Variants in AOPEP observed in about 807,000 individuals in gnomAD.
AOPEP encodes the protein aminopeptidase O.
AOPEP carries 77 observed loss-of-function variants against 98.1 expected under a neutral mutation model. The ratio of observed to expected loss-of-function variants is 0.78; its 90% confidence interval spans 0.65 to 0.95. The LOEUF is 0.95. Ranked by LOEUF, AOPEP falls within the 40% of genes least tolerant of loss-of-function variation. AOPEP has a pLI of 0.00. For synonymous variants in AOPEP, 346 were observed against 365.3 expected, an observed-to-expected ratio of 0.95 and a Z score of 0.60; for missense variants, 1,024 against 1,024.7, an observed-to-expected ratio of 1.00 and a Z score of 0.01.
chr9:94,941,555 AG>A (rs1162693949), intron 7 of AOPEP, among the ~76,000 whole-genome samples: 15 of 152,232 alleles, frequency 9.9e-5, no homozygotes, highest in Admixed American at 9.8e-4. Context: ...CCTGTTTCAA[AG>A]GTCAGCTCCA....
intron 13 of AOPEP, among the ~76,000 whole-genome samples, chr9:95,055,985 AT>A (rs1023412029): frequency 5.9e-5 from 9 of 151,970 alleles, no homozygotes; most frequent in Non-Finnish European, 1.2e-4. Context: ...CTCCCTAAGC[AT>A]TTTTTAACCA....
At position 94,773,223 on chromosome 9, in the gene AOPEP, A is replaced by C; in HGVS notation, c.964+55A>C. On this transcript the variant is annotated intron_variant, in intron 3 of 16. Transcript: ENST00000375315. ...TGTATTGCACACATGTGGACCCAGG[A>C]ACCCAATAAACAGTATTTTTCTAAA... 2 of 1,434,270 alleles carry C rather than the reference A, an allele frequency of 1.4e-6. 1 individual carries two copies. The highest frequency in any genetic ancestry group is 2.8e-5 in the South Asian group (2 of 72,682). The allele number at this position is 1,434,270 out of a possible 1,614,324, so 88.8% of individuals were successfully genotyped here. A position where few individuals can be genotyped will look rare whatever the true frequency, so the allele number is the denominator to read the frequency against.
intron 5 of AOPEP, among the ~76,000 whole-genome samples, chr9:94,844,594 C>G (rs1386255169): frequency 6.6e-6 from 1 of 152,218 alleles, no homozygotes; most frequent in Non-Finnish European, 1.5e-5. Context: ...AGAACTTACT[C>G]TTCCAGTCTA....
At chr9:94,810,226 C>G (rs1473556430) in intron 5 of AOPEP, among the ~76,000 whole-genome samples, 1 of 152,002 alleles carries the variant, frequency 6.6e-6, no homozygotes, top group Non-Finnish European at 1.5e-5. Flanking sequence ...CCTCCCTGGC[C>G]TAATTTTCTT....
chr9:94,788,620 G>A (rs1564136093), intron 3 of AOPEP, among the ~76,000 whole-genome samples: 1 of 152,092 alleles, frequency 6.6e-6, no homozygotes, highest in Non-Finnish European at 1.5e-5. Context: ...TGGAAGCTGT[G>A]AATACATTTG....
At chr9:94,821,740 T>C (rs1391891460) in intron 5 of AOPEP, among the ~76,000 whole-genome samples, 2 of 152,348 alleles carry the variant, frequency 1.3e-5, no homozygotes, top group East Asian at 1.9e-4. Context: ...TACCCTGTTA[T>C]GGTTTCATGT....
chr9:94,760,739 T>C, intron 2 of AOPEP, 159 bp downstream of exon 2: 1 of 533,814 alleles, frequency 1.9e-6, no homozygotes, highest in Non-Finnish European at 3.2e-6. Context: ...AGCAGGTAAA[T>C]TCCCAGGCAT....
At chr9:95,039,452 G>A (rs2065105418) in intron 13 of AOPEP, among the ~76,000 whole-genome samples, 1 of 152,106 alleles carries the variant, frequency 6.6e-6, no homozygotes, top group African/African-American at 2.4e-5. Flanking sequence ...CACACCTGTA[G>A]TTCCAGCAAC....
At chr9:95,037,055 G>A (rs1348347940) in intron 13 of AOPEP, among the ~76,000 whole-genome samples, 2 of 152,188 alleles carry the variant, frequency 1.3e-5, no homozygotes, top group African/African-American at 4.8e-5. Flanking sequence ...CACCACAGAT[G>A]TATGAGCTGT....
chr9:94,998,963 A>G (rs1209180164), intron 11 of AOPEP, among the ~76,000 whole-genome samples: 2 of 152,198 alleles, frequency 1.3e-5, no homozygotes, highest in African/African-American at 4.8e-5. Flanking sequence ...GCGTAGTATT[A>G]TATATTTTGA....
chr9:94,815,930 A>G (rs1380929531), intron 5 of AOPEP, among the ~76,000 whole-genome samples: 1 of 152,122 alleles, frequency 6.6e-6, no homozygotes, highest in African/African-American at 2.4e-5. Flanking sequence ...GGTCTCAAAG[A>G]CAATTTCTGT....
At chr9:94,768,572 A>G (rs1443553120) in intron 2 of AOPEP, among the ~76,000 whole-genome samples, 1 of 152,206 alleles carries the variant, frequency 6.6e-6, no homozygotes, top group Non-Finnish European at 1.5e-5. Context: ...ATGCACAAAC[A>G]TTTAGCCAGA....
At chr9:94,920,017 G>A (rs936783701) in intron 5 of AOPEP, among the ~76,000 whole-genome samples, 6 of 152,222 alleles carry the variant, frequency 3.9e-5, no homozygotes, top group African/African-American at 1.2e-4. Flanking sequence ...GCCAGGCGCA[G>A]TGACTCATGC....
intron 13 of AOPEP, among the ~76,000 whole-genome samples, chr9:95,032,495 C>T (rs2064400429): frequency 6.6e-6 from 1 of 152,230 alleles, no homozygotes; most frequent in Non-Finnish European, 1.5e-5. Flanking sequence ...AATGTGAAAA[C>T]GTTCTCCTCT....
chr9:94,792,994 G>GCA, intron 4 of AOPEP, 76 bp downstream of exon 4: 2 of 1,448,414 alleles, frequency 1.4e-6, no homozygotes, highest in Non-Finnish European at 1.9e-6. Context: ...TTTCTTCCAA[G>GCA]CACTGGGAAT....
At position 94,919,225 on chromosome 9, in the gene AOPEP, C is replaced by G. The variant is rs779361531; in HGVS notation, c.1365-4761C>G. Among the ~76,000 whole-genome samples the G allele has an allele frequency of 7.6e-4, 116 of 152,298 alleles. 3 individuals carry two copies. The highest frequency in any genetic ancestry group is 1.1e-3 in the Non-Finnish European group (77 of 68,024). Reference sequence around the variant, plus strand: ...CACTTCTAACCTTAAGCCTTTCTTTCAAACTCAGATCCCCTTACACATTGA... The same window carrying G: ...CACTTCTAACCTTAAGCCTTTCTTTGAAACTCAGATCCCCTTACACATTGA... On this transcript the variant is annotated intron_variant, in intron 5 of 16. Coordinates refer to ENST00000375315, the MANE Select transcript of AOPEP (RefSeq NM_001193329.3).
chr9:94,944,336 G>T (rs1194321158), intron 7 of AOPEP, among the ~76,000 whole-genome samples: 1 of 152,130 alleles, frequency 6.6e-6, no homozygotes, highest in African/African-American at 2.4e-5. Flanking sequence ...CAACCCAAAT[G>T]TCCATCAACA....
At chr9:95,065,470 C>A (rs2067790084) in intron 14 of AOPEP, 1 of 152,282 alleles carries the variant, frequency 6.6e-6, no homozygotes, top group South Asian at 2.1e-4. Context: ...ACCCAGGCCC[C>A]CTTTTCCTCT....
chr9:94,825,879 A>G (rs1854403979), intron 5 of AOPEP, among the ~76,000 whole-genome samples: 1 of 152,260 alleles, frequency 6.6e-6, no homozygotes, highest in South Asian at 2.1e-4. Flanking sequence ...GTGTCAGCCT[A>G]GGAATAACCT....
Sources: gnomAD v4.1 joint callset for allele counts (sites outside exome capture counted in the v4.1 genomes callset) on GRCh38, gnomAD v4.1.1 for gene constraint, MANE v1.5 for transcripts, NCBI Gene and HGNC (gene_info 2026-07-23, HGNC 2026-07-21) for gene names.